The following THSD4 variants were observed in gnomAD, a reference collection of about 807,000 sequenced individuals.
THSD4 encodes thrombospondin type 1 domain containing 4, also known as thrombospondin type-1 domain-containing protein 4.
Under a neutral mutation model 119.0 loss-of-function variants are expected in THSD4, and 69 were observed. That is an observed-to-expected ratio of 0.58 (90% CI 0.48 to 0.71). The LOEUF (loss-of-function observed/expected upper bound fraction) is 0.71. Among genes scored for constraint, THSD4 ranks in the 30% least tolerant of loss-of-function variants. The pLI, the probability that THSD4 is intolerant of heterozygous loss-of-function variation, is 0.00. For synonymous variants in THSD4, 524 were observed against 540.4 expected (o/e 0.97, Z 0.42); for missense variants, 1,393 against 1,391.1 (o/e 1.00, Z -0.02).
At chr15:71,499,151 G>A (rs1480795545) in intron 7 of THSD4, among the ~76,000 whole-genome samples, 1 of 152,018 alleles carries the variant, frequency 6.6e-6, no homozygotes, top group East Asian at 1.9e-4. Flanking sequence ...TATTTCCAAA[G>A]ACAAACCCTT....
intron 3 of THSD4, among the ~76,000 whole-genome samples, chr15:71,209,245 C>A (rs56065932): frequency 0.017 from 2,647 of 152,258 alleles, 38 homozygotes; most frequent in Non-Finnish European, 0.025. Flanking sequence ...ATGTTAGATG[C>A]CTTACCTAGC....
At chr15:71,392,424 T>G (rs977911687) in intron 6 of THSD4, among the ~76,000 whole-genome samples, 2 of 152,228 alleles carry the variant, frequency 1.3e-5, no homozygotes, top group African/African-American at 4.8e-5. Context: ...GTTCATAGAC[T>G]TACTTTGTCC....
At chr15:71,294,923 T>TAAA (rs10656605) in intron 6 of THSD4, among the ~76,000 whole-genome samples, 2,433 of 138,128 alleles carry the variant, frequency 0.018, 48 homozygotes, top group East Asian at 0.071. Context: ...CTCACAGCTG[T>TAAA]AAAAAAAAAA....
At chr15:71,357,244 A>G (rs755884837) in intron 6 of THSD4, among the ~76,000 whole-genome samples, 26 of 152,312 alleles carry the variant, frequency 1.7e-4, no homozygotes, top group South Asian at 8.3e-4. Flanking sequence ...CACTGCATGG[A>G]CAAGGAGCCT....
rs191567189 is a variant in THSD4 at position 71,553,558 on chromosome 15, C to T, written c.1153-106972C>T. Among the ~76,000 whole-genome samples the T allele has an allele frequency of 4.3e-4, 66 of 152,250 alleles. 1 individual carries two copies. The highest frequency in any genetic ancestry group is 7.9e-4 in the Non-Finnish European group (54 of 68,004). ...GCCAGGCTGGTCTCGAGCTCCTGAC[C>T]TCAGGTGATCCACCCGCCTTGAACT... On this transcript the variant is annotated intron_variant, in intron 7 of 17. Coordinates refer to ENST00000261862, the MANE Select transcript of THSD4 (RefSeq NM_024817.3).
At chr15:71,110,914 GT>G, upstream of THSD4, 2 of 544,972 alleles carry the variant, frequency 3.7e-6, no homozygotes, top group South Asian at 4.8e-5. Context: ...GGCGTATGCC[GT>G]AGATCTCCAT....
chr15:71,425,036 T>C (rs1178108341), intron 7 of THSD4, among the ~76,000 whole-genome samples: 1 of 152,078 alleles, frequency 6.6e-6, no homozygotes, highest in Non-Finnish European at 1.5e-5. Flanking sequence ...AAGTGTTTGG[T>C]TGAGAACGAA....
chr15:71,728,436 T>A, intron 8 of THSD4, 113 bp from the exon 9 acceptor site: 1 of 1,297,040 alleles, frequency 7.7e-7, no homozygotes, highest in Non-Finnish European at 1.1e-6. Context: ...TGGCACATAG[T>A]GGATCCTGTC....
intron 3 of THSD4, among the ~76,000 whole-genome samples, chr15:71,157,998 T>C (rs2040796935): frequency 1.3e-5 from 2 of 152,088 alleles, no homozygotes; most frequent in Admixed American, 1.3e-4. Context: ...TGGATATATA[T>C]GCAATTGTGG....
intron 3 of THSD4, among the ~76,000 whole-genome samples, chr15:71,157,679 C>CTTTTTT: frequency 3.9e-5 from 2 of 51,614 alleles, no homozygotes; most frequent in Middle Eastern, 0.012. Context: ...TATATCAACT[C>CTTTTTT]TTTTTTTTTT....
At chr15:71,748,335 T>G in intron 13 of THSD4, 86 bp from the exon 14 acceptor site, 1 of 1,527,598 alleles carries the variant, frequency 6.5e-7, no homozygotes, top group South Asian at 1.3e-5. Context: ...ATGGGGCTGA[T>G]CACAAAGGCT....
At chr15:71,702,082 ACTGT>A (rs1304920551) in intron 8 of THSD4, among the ~76,000 whole-genome samples, 1 of 152,098 alleles carries the variant, frequency 6.6e-6, no homozygotes, top group African/African-American at 2.4e-5. Flanking sequence ...CAGAAATTTG[ACTGT>A]CTGCAAATCC....
chr15:71,645,594 A>C (rs2050953108), intron 7 of THSD4, among the ~76,000 whole-genome samples: 1 of 152,180 alleles, frequency 6.6e-6, no homozygotes, highest in African/African-American at 2.4e-5. Flanking sequence ...TAATCGAAGA[A>C]CATTCTGGAG....
At chr15:71,741,475 A>G (rs1207435491) in intron 11 of THSD4, among the ~76,000 whole-genome samples, 4 of 152,280 alleles carry the variant, frequency 2.6e-5, no homozygotes, top group African/African-American at 9.6e-5. Flanking sequence ...CCTGGGCAAC[A>G]GAGCAAGACT....
intron 4 of THSD4, among the ~76,000 whole-genome samples, chr15:71,231,714 C>T (rs961928904): frequency 2.0e-5 from 3 of 152,294 alleles, no homozygotes; most frequent in East Asian, 3.9e-4. Flanking sequence ...GTCAAACCTG[C>T]AGCTAACGTA....
At chr15:71,392,396 AC>A (rs1348604536) in intron 6 of THSD4, among the ~76,000 whole-genome samples, 1 of 152,178 alleles carries the variant, frequency 6.6e-6, no homozygotes, top group Non-Finnish European at 1.5e-5. Flanking sequence ...ACCGATTTTG[AC>A]AGGTAAGAAA....
chr15:71,369,996 T>C (rs2046021614), intron 6 of THSD4, among the ~76,000 whole-genome samples: 1 of 152,206 alleles, frequency 6.6e-6, no homozygotes, highest in South Asian at 2.1e-4. Flanking sequence ...AACTTCTTCC[T>C]GGTTTAGTCT....
intron 7 of THSD4, among the ~76,000 whole-genome samples, chr15:71,653,123 A>AT (rs1369424366): frequency 6.6e-6 from 1 of 152,210 alleles, no homozygotes; most frequent in Non-Finnish European, 1.5e-5. Flanking sequence ...ACAAACGCTT[A>AT]TTAAACACCT....
chr15:71,351,655 G>A (rs969695347), intron 6 of THSD4, among the ~76,000 whole-genome samples: 1 of 152,176 alleles, frequency 6.6e-6, no homozygotes, highest in Non-Finnish European at 1.5e-5. Context: ...AGGACACAGC[G>A]ATCTCCAATG....
Sources: gnomAD v4.1 joint callset for allele counts (sites outside exome capture counted in the v4.1 genomes callset) on GRCh38, gnomAD v4.1.1 for gene constraint, MANE v1.5 for transcripts, NCBI Gene and HGNC (gene_info 2026-07-23, HGNC 2026-07-21) for gene names.